Variants in EMC3 observed in about 807,000 individuals in gnomAD.
The protein encoded by EMC3 is ER membrane protein complex subunit 3.
EMC3 carries 13 observed loss-of-function variants against 36.6 expected under a neutral mutation model. That is an observed-to-expected ratio of 0.35 (90% CI 0.23 to 0.56). The LOEUF (loss-of-function observed/expected upper bound fraction) is 0.56, where lower values mean the gene tolerates loss of function less well. Among genes scored for constraint, EMC3 ranks in the 20% least tolerant of loss-of-function variants. EMC3 has a pLI of 0.84. For synonymous variants in EMC3, 120 were observed against 111.9 expected (o/e 1.07, Z -0.46); for missense variants, 220 against 324.5 (o/e 0.68, Z 2.47).
Position 9,986,546 on chromosome 3 carries a change from T to C in EMC3, c.116A>G (p.Gln39Arg). ...MIRHYVSILL[Q>R]SDKKLTQEQV... ...TTCCTGGGTGAGCTTCTTGTCGCTC[T>C]GCAGCAGGATGGACACGTAGTGGCG... is the stretch of plus-strand genomic sequence containing the variant. Residue 39 changes from glutamine to arginine, a missense_variant, in exon 1 of 8, where the codon CAG becomes CGG. By Grantham distance (43) the Gln-to-Arg change is conservative. Transcript: ENST00000245046. 1 of 1,614,226 alleles carries C rather than the reference T, an allele frequency of 6.2e-7. No homozygotes were observed. The highest frequency in any genetic ancestry group is 8.5e-7 in the Non-Finnish European group (1 of 1,180,028).
In EMC3 at chr3:9,969,835, G is replaced by A. The variant is rs772020558; in HGVS notation, c.575-34C>T. The A allele has an allele frequency of 4.3e-6, 7 of 1,609,308 alleles. 1 individual carries two copies. In the South Asian group the frequency reaches 5.5e-5, roughly 13 times the overall value. ...TAAGACACACTTACATGAGTGCCAG[G>A]ACTCAGCAAGCACCCCAGCACCCAA... is the stretch of plus-strand genomic sequence containing the variant. On this transcript the variant is annotated intron_variant, in intron 6 of 7. Transcript: ENST00000245046.
intron 5 of EMC3, among the ~76,000 whole-genome samples, chr3:9,972,906 G>A (rs2085802717): frequency 6.7e-6 from 1 of 148,454 alleles, no homozygotes. Flanking sequence ...TCAGCTCACT[G>A]CAAGCTCCGC....
chr3:9,967,064 C>A (rs1326014624), intron 7 of EMC3, among the ~76,000 whole-genome samples: 1 of 152,206 alleles, frequency 6.6e-6, no homozygotes, highest in Non-Finnish European at 1.5e-5. Flanking sequence ...CACTGCCCCC[C>A]ATCCCATCCT....
chr3:9,973,581 T>C, intron 5 of EMC3, 47 bp downstream of exon 5: 1 of 1,560,876 alleles, frequency 6.4e-7, no homozygotes. Flanking sequence ...CGCCTTGGCT[T>C]CCCAAAGTGT....
At chr3:9,995,615 C>A (rs1432339506) in intron 1 of EMC3, among the ~76,000 whole-genome samples, 1 of 151,444 alleles carries the variant, frequency 6.6e-6, no homozygotes, top group South Asian at 2.1e-4. Flanking sequence ...GCAGCCACAT[C>A]CAGGTAAGAA....
At chr3:10,007,102 G>A (rs551045926) in intron 1 of EMC3, 44 of 310,606 alleles carry the variant, frequency 1.4e-4, no homozygotes, top group Non-Finnish European at 2.5e-4. Context: ...TAGTTTAGGC[G>A]GCATGCAGTC....
rs543250435 is a variant in EMC3 at position 9,974,597 on chromosome 3, C to T, written c.308-109G>A. 2.7e-5 allele frequency: 19 copies of T among 696,104 alleles called. No individual in the cohort carries two copies. The East Asian group carries it at 2.9e-4, about 11-fold the overall frequency. 43.1% of individuals were successfully genotyped at this position (696,104 alleles called of 1,614,324 possible). ...TTTTTGAGACGGAGTCCCGCTCTGT[C>T]GCCCAGGCTGGAGTGCAGTGGTGCG... On this transcript the variant is annotated intron_variant, in intron 3 of 7. Coordinates refer to ENST00000245046, the MANE Select transcript of EMC3 (RefSeq NM_001394674.1).
intron 6 of EMC3, 38 bp downstream of exon 6, chr3:9,970,532 ATGATTCATCTAT>A (rs1294349715): frequency 3.8e-6 from 6 of 1,581,304 alleles, no homozygotes; most frequent in Non-Finnish European, 5.2e-6. Context: ...TCTAATATGG[ATGATTCATCTAT>A]GGAAGTATTT....
At chr3:10,004,550 C>G (rs1255015153) in intron 1 of EMC3, 5 of 152,328 alleles carry the variant, frequency 3.3e-5, no homozygotes, top group African/African-American at 9.6e-5. Flanking sequence ...CCCTCTTTCA[C>G]TGAAGCGGGC....
intron 1 of EMC3, among the ~76,000 whole-genome samples, chr3:9,992,420 C>G (rs1287121044): frequency 6.6e-6 from 1 of 152,156 alleles, no homozygotes; most frequent in East Asian, 1.9e-4. Flanking sequence ...GCCCCCACGC[C>G]CAGCCTGGCT....
chr3:9,995,827 T>C (rs1487191694), intron 1 of EMC3, among the ~76,000 whole-genome samples: 1 of 151,922 alleles, frequency 6.6e-6, no homozygotes, highest in Non-Finnish European at 1.5e-5. Flanking sequence ...TAGTATTTTG[T>C]GTTTTTAAAC....
At chr3:10,010,922 C>T (rs1234886610) in intron 1 of EMC3, 2 of 152,438 alleles carry the variant, frequency 1.3e-5, no homozygotes, top group East Asian at 3.9e-4. Context: ...GCGGGCGGCA[C>T]TTAACGAAGG....
intron 1 of EMC3, among the ~76,000 whole-genome samples, chr3:9,993,861 T>A (rs964351328): frequency 1.5e-4 from 23 of 152,152 alleles, no homozygotes; most frequent in African/African-American, 5.5e-4. Context: ...CCCTGGGGGG[T>A]CGTGTGATTG....
intron 1 of EMC3, chr3:10,009,206 T>A (rs2086298183): frequency 6.6e-6 from 1 of 152,244 alleles, no homozygotes; most frequent in Admixed American, 6.5e-5. Flanking sequence ...CACTGCCACC[T>A]GGTCCCGCCC....
At chr3:9,999,966 C>T (rs918653199) in intron 1 of EMC3, among the ~76,000 whole-genome samples, 3 of 152,166 alleles carry the variant, frequency 2.0e-5, no homozygotes, top group African/African-American at 7.2e-5. Flanking sequence ...TAAATATATT[C>T]ACATAACCAG....
chr3:9,984,887 T>G (rs1465847563), intron 1 of EMC3, among the ~76,000 whole-genome samples: 2 of 152,136 alleles, frequency 1.3e-5, no homozygotes, highest in Non-Finnish European at 2.9e-5. Context: ...AACGAACGGG[T>G]GGGATGGAAC....
At chr3:9,989,860 G>C (rs1325720519), upstream of EMC3, among the ~76,000 whole-genome samples, 2 of 151,302 alleles carry the variant, frequency 1.3e-5, no homozygotes, top group Non-Finnish European at 2.9e-5. Context: ...ACTGTATTCT[G>C]GTCTAATGAC....
intron 1 of EMC3, among the ~76,000 whole-genome samples, chr3:9,980,223 AG>A (rs1447649140): frequency 6.6e-6 from 1 of 152,078 alleles, no homozygotes; most frequent in Non-Finnish European, 1.5e-5. Flanking sequence ...CATGTTGGCC[AG>A]GCTGGTCTCG....
chr3:10,011,116 A>T (rs1034889652), exon 1 of EMC3: 5 of 152,266 alleles, frequency 3.3e-5, no homozygotes, highest in African/African-American at 1.2e-4. Flanking sequence ...CAGCGCCTGG[A>T]AGGAGGCGGC....
Sources: allele counts gnomAD v4.1 joint callset (sites outside exome capture counted in the v4.1 genomes callset), GRCh38; gene constraint gnomAD v4.1.1; transcripts MANE v1.5; gene names NCBI Gene and HGNC (gene_info 2026-07-23, HGNC 2026-07-21).